Variants in RBFOX1 observed in about 807,000 individuals in gnomAD.
RBFOX1 encodes RNA binding fox-1 homolog 1.
Under a neutral mutation model 57.7 loss-of-function variants are expected in RBFOX1, and 8 were observed. The ratio of observed to expected loss-of-function variants is 0.14; its 90% CI spans 0.08 to 0.25. The LOEUF is 0.25. Among genes scored for constraint, RBFOX1 ranks in the 10% least tolerant of loss-of-function variants. The probability of loss-of-function intolerance (pLI) is 1.00; values close to 1 mark genes in which losing one functional copy is unlikely to be tolerated. For missense variants in RBFOX1, 611 were observed against 548.5 expected (o/e 1.11, Z -1.14); for synonymous variants, 326 against 222.4 (o/e 1.47, Z -4.15).
At chr16:7,333,872 AC>A (rs1316067413) in intron 4 of RBFOX1, among the ~76,000 whole-genome samples, 5 of 152,162 alleles carry the variant, frequency 3.3e-5, no homozygotes, top group African/African-American at 1.2e-4. Flanking sequence ...TAGCGATAGA[AC>A]CCACAGATCA....
intron 1 of RBFOX1, among the ~76,000 whole-genome samples, chr16:6,098,131 T>C (rs971680703): frequency 6.6e-6 from 1 of 152,130 alleles, no homozygotes. Flanking sequence ...TGCCTCTTGC[T>C]ACCCTTCGTT....
intron 3 of RBFOX1, among the ~76,000 whole-genome samples, chr16:5,619,959 T>A (rs954832753): frequency 1.3e-5 from 2 of 149,902 alleles, no homozygotes; most frequent in Non-Finnish European, 3.0e-5. Flanking sequence ...TAAATCTCTG[T>A]GCAGATAGTA....
chr16:6,082,745 A>G lies in RBFOX1; in HGVS notation c.-127+62753A>G, dbSNP rs541365121. On this transcript the variant is annotated intron_variant, in intron 1 of 15. Coordinates refer to ENST00000550418, the MANE Select transcript of RBFOX1 (RefSeq NM_018723.4). ...CACAGAGAATGATCACTCAAATAGA[A>G]CTAGGGCTGAGGCAGGAAGAGAGAA... Among the ~76,000 whole-genome samples the G allele has an allele frequency of 3.3e-5, 5 of 152,168 alleles. No homozygotes were observed. In the East Asian group the frequency reaches 7.8e-4, roughly 24 times the overall value.
At chr16:7,303,790 C>A (rs986321521) in intron 4 of RBFOX1, among the ~76,000 whole-genome samples, 2 of 150,028 alleles carry the variant, frequency 1.3e-5, no homozygotes, top group South Asian at 4.3e-4. Context: ...TCTGTCTCTC[C>A]CCTCCCTCTC....
intron 4 of RBFOX1, among the ~76,000 whole-genome samples, chr16:7,330,511 T>A (rs752174688): frequency 2.0e-4 from 12 of 61,502 alleles, no homozygotes; most frequent in African/African-American, 4.9e-4. Flanking sequence ...TGTGTGTGTT[T>A]GTGTGTGTGT....
At chr16:6,129,026 A>G (rs375841200) in intron 1 of RBFOX1, among the ~76,000 whole-genome samples, 1 of 152,242 alleles carries the variant, frequency 6.6e-6, no homozygotes, top group Non-Finnish European at 1.5e-5. Context: ...AACCACTTGC[A>G]TGAACAAAAT....
At chr16:6,133,087 C>A (rs1178694384) in intron 1 of RBFOX1, among the ~76,000 whole-genome samples, 1 of 149,854 alleles carries the variant, frequency 6.7e-6, no homozygotes, top group Non-Finnish European at 1.5e-5. Flanking sequence ...AGTTATTCGT[C>A]TCCATGTCAT....
intron 1 of RBFOX1, among the ~76,000 whole-genome samples, chr16:6,237,403 G>C (rs746869407): frequency 6.6e-6 from 1 of 152,178 alleles, no homozygotes; most frequent in Non-Finnish European, 1.5e-5. Flanking sequence ...TTATAGTGGG[G>C]TTCAGAGAGG....
At chr16:6,180,661 G>T (rs895874532) in intron 1 of RBFOX1, among the ~76,000 whole-genome samples, 2 of 151,952 alleles carry the variant, frequency 1.3e-5, no homozygotes, top group African/African-American at 2.4e-5. Flanking sequence ...CACCTCCTGG[G>T]TTCAAGTGAT....
intron 2 of RBFOX1, among the ~76,000 whole-genome samples, chr16:5,536,196 G>A (rs1408396569): frequency 1.5e-5 from 2 of 135,596 alleles, no homozygotes; most frequent in East Asian, 2.1e-4. Flanking sequence ...ACACAAAGCT[G>A]CTCTTCAGTG....
intron 13 of RBFOX1, among the ~76,000 whole-genome samples, chr16:7,670,366 T>C (rs1483128957): frequency 1.3e-5 from 2 of 152,008 alleles, no homozygotes; most frequent in Non-Finnish European, 2.9e-5. Flanking sequence ...AAAAAGAAAA[T>C]AATTTGTCCA....
rs190236625 is a variant in RBFOX1 at position 6,092,523 on chromosome 16, A to G, written c.-127+72531A>G. ...CGTGCTTCGTGTTCAACATGTTATAACTTCACCATAATACAAATTACCATC... is the reference window on the plus strand; with the variant it reads ...CGTGCTTCGTGTTCAACATGTTATAGCTTCACCATAATACAAATTACCATC... On this transcript the variant is annotated intron_variant, in intron 1 of 15. Transcript: ENST00000550418. The G allele has an allele frequency of 2.6e-5, 4 of 152,328 alleles. No homozygotes were observed. In the East Asian group the frequency reaches 5.8e-4, roughly 22 times the overall value. The allele number at this position is 152,328 out of a possible 1,614,324, so 9.4% of individuals were successfully genotyped here. A position where few individuals can be genotyped will look rare whatever the true frequency, so the allele number is the denominator to read the frequency against.
At chr16:7,538,834 C>T (rs969862179) in intron 5 of RBFOX1, among the ~76,000 whole-genome samples, 4 of 151,958 alleles carry the variant, frequency 2.6e-5, no homozygotes. Flanking sequence ...CTGTACAACA[C>T]ATCTCCTCCC....
At chr16:6,786,887 G>A (rs1347155644) in intron 3 of RBFOX1, among the ~76,000 whole-genome samples, 2 of 134,346 alleles carry the variant, frequency 1.5e-5, no homozygotes, top group Non-Finnish European at 3.1e-5. Flanking sequence ...GAATTGCTTA[G>A]CCGGCAGGCT....
At chr16:5,381,100 G>C (rs1404626228) in intron 1 of RBFOX1, among the ~76,000 whole-genome samples, 2 of 152,206 alleles carry the variant, frequency 1.3e-5, no homozygotes, top group Non-Finnish European at 2.9e-5. Flanking sequence ...CGCCACTGGA[G>C]AGGACAGGAT....
At chr16:7,706,501 A>C (rs73498765) in intron 14 of RBFOX1, among the ~76,000 whole-genome samples, 6,152 of 152,332 alleles carry the variant, frequency 0.04, 139 homozygotes, top group Non-Finnish European at 0.053. Context: ...CGCTTTTATT[A>C]AATACATTCA....
intron 2 of RBFOX1, among the ~76,000 whole-genome samples, chr16:6,392,410 T>G (rs2092644938): frequency 6.6e-6 from 1 of 152,192 alleles, no homozygotes; most frequent in Admixed American, 6.5e-5. Flanking sequence ...AGTAATACAA[T>G]TTTATGAAGA....
rs531155164 is a variant in RBFOX1, at chr16:7,085,798, G to C, written c.27+33700G>C. Among the ~76,000 whole-genome samples, 3 of 152,228 alleles carry C rather than the reference G, an allele frequency of 2.0e-5. No homozygotes were observed. The East Asian group carries it at 5.8e-4, about 29-fold the overall frequency. Reference sequence around the variant, plus strand: ...GTGTGTTCAGAACTTCTCCCAAGTAGGAGAAAGCAATCAATCCTGGTTTGT... The same window carrying C: ...GTGTGTTCAGAACTTCTCCCAAGTACGAGAAAGCAATCAATCCTGGTTTGT... On this transcript the variant is annotated intron_variant, in intron 4 of 15. Transcript: ENST00000550418.
At chr16:6,261,326 A>G (rs910757066) in intron 1 of RBFOX1, among the ~76,000 whole-genome samples, 1 of 152,318 alleles carries the variant, frequency 6.6e-6, no homozygotes, top group East Asian at 1.9e-4. Context: ...CTCATCTTTC[A>G]GTTTTTCCAT....
Sources: allele counts gnomAD v4.1 joint callset (sites outside exome capture counted in the v4.1 genomes callset), GRCh38; gene constraint gnomAD v4.1.1; transcripts MANE v1.5; gene names NCBI Gene and HGNC (gene_info 2026-07-23, HGNC 2026-07-21).